CDH12: variants seen among roughly 807,000 people sequenced by gnomAD.
CDH12 encodes the protein cadherin-12.
A neutral mutation model predicts 74.1 loss-of-function variants in CDH12; 41 were observed. The ratio of observed to expected loss-of-function variants is 0.55; its 90% CI spans 0.43 to 0.72. CDH12 has a LOEUF of 0.72. Among genes scored for constraint, CDH12 ranks in the 30% least tolerant of loss-of-function variants. The pLI, the probability that CDH12 is intolerant of heterozygous loss-of-function variation, is 0.00. For missense variants in CDH12, 945 were observed against 977.2 expected (o/e 0.97, Z 0.44); for synonymous variants, 399 against 355.0 (o/e 1.12, Z -1.39).
At chr5:22,128,279 G>T (rs1745992770) in intron 4 of CDH12, among the ~76,000 whole-genome samples, 1 of 152,030 alleles carries the variant, frequency 6.6e-6, no homozygotes, top group Admixed American at 6.6e-5. Flanking sequence ...AGGAATAATA[G>T]ATGCTGAGGG....
intron 3 of CDH12, among the ~76,000 whole-genome samples, chr5:22,401,095 TA>T (rs1271846680): frequency 8.9e-4 from 136 of 152,346 alleles, no homozygotes; most frequent in Middle Eastern, 6.8e-3. Context: ...ATCCTAATCA[TA>T]ACTGTTTGCC....
intron 1 of CDH12, among the ~76,000 whole-genome samples, chr5:22,829,104 A>G (rs1168224998): frequency 1.3e-5 from 2 of 152,154 alleles, no homozygotes; most frequent in African/African-American, 2.4e-5. Context: ...TTCATTTTCC[A>G]TAGAATAACT....
chr5:22,365,124 G>C, intron 3 of CDH12, among the ~76,000 whole-genome samples: 1 of 152,050 alleles, frequency 6.6e-6, no homozygotes, highest in Non-Finnish European at 1.5e-5. Context: ...ATTCAGATTT[G>C]GTGCATTTCT....
At chr5:22,546,994 A>G (rs1055609488) in intron 1 of CDH12, among the ~76,000 whole-genome samples, 4 of 152,212 alleles carry the variant, frequency 2.6e-5, no homozygotes, top group African/African-American at 9.6e-5. Flanking sequence ...ATGCGATTGT[A>G]AAGTGCTTCA....
intron 1 of CDH12, among the ~76,000 whole-genome samples, chr5:22,674,586 G>A (rs949508355): frequency 6.6e-6 from 1 of 152,144 alleles, no homozygotes; most frequent in Admixed American, 6.5e-5. Context: ...CTGGGTAACA[G>A]GCAGAAGTTG....
chr5:22,536,669 C>T (rs10052996), intron 1 of CDH12, among the ~76,000 whole-genome samples: 22,794 of 152,128 alleles, frequency 0.15, 2,324 homozygotes, highest in East Asian at 0.36. Flanking sequence ...GAGTATATAA[C>T]GCATTTGAAT....
At position 22,270,594 on chromosome 5, in the gene CDH12, C is replaced by CAA. The variant is rs533235770; in HGVS notation, c.-332-57953_-332-57952dup. The stretch of plus-strand genomic sequence containing the variant: ...TAGGCGGCAGGGTGAGACACCGTCT[C>CAA]AAAAAAAAAAATATATATATATATA... On this transcript the variant is annotated intron_variant, in intron 3 of 14. Coordinates refer to ENST00000382254, the MANE Select transcript of CDH12 (RefSeq NM_004061.5). Among the ~76,000 whole-genome samples, 252 of 127,736 alleles carry CAA rather than the reference C, an allele frequency of 2.0e-3. 1 individual carries two copies. The highest frequency in any genetic ancestry group is 5.5e-3 in the African/African-American group (193 of 34,840). The allele number at this position is 127,736 out of a possible 152,430, so 83.8% of individuals were successfully genotyped here.
At chr5:21,844,119 A>G (rs1304611972) in intron 7 of CDH12, among the ~76,000 whole-genome samples, 2 of 152,158 alleles carry the variant, frequency 1.3e-5, no homozygotes, top group African/African-American at 4.8e-5. Flanking sequence ...ACCTAAATAA[A>G]AAGCTATAAA....
intron 1 of CDH12, among the ~76,000 whole-genome samples, chr5:22,546,689 T>C (rs1738347150): frequency 6.6e-6 from 1 of 152,170 alleles, no homozygotes; most frequent in Admixed American, 6.5e-5. Flanking sequence ...CATTTCTGCA[T>C]AGTAAGGAAA....
At chr5:22,677,975 T>C (rs1039680430) in intron 1 of CDH12, among the ~76,000 whole-genome samples, 2 of 147,974 alleles carry the variant, frequency 1.4e-5, no homozygotes, top group African/African-American at 4.9e-5. Context: ...TAATCCATCA[T>C]GAGGTCCCCA....
chr5:22,795,667 C>T (rs978658850), intron 1 of CDH12, among the ~76,000 whole-genome samples: 1 of 151,364 alleles, frequency 6.6e-6, no homozygotes, highest in Non-Finnish European at 1.5e-5. Flanking sequence ...GTTGAATACA[C>T]ATACAAGTCC....
intron 1 of CDH12, among the ~76,000 whole-genome samples, chr5:22,514,213 C>T (rs928987127): frequency 2.0e-5 from 3 of 151,472 alleles, no homozygotes. Flanking sequence ...AGTATCATAA[C>T]CTTTAAAATC....
rs373890996 is a variant in CDH12 at position 21,755,668 on chromosome 5, A to G, written c.1808T>C (p.Val603Ala). 7.4e-6 allele frequency: 12 copies of G among 1,614,046 alleles called. No individual in the cohort carries two copies. In the African/African-American group the frequency reaches 1.5e-4, roughly 20 times the overall value. The change falls in exon 14 of 15, where the codon GTG becomes GCG. Residue 603 changes from valine (V) to alanine (A), a missense_variant. This residue lies in a region of CDH12 where 791 missense variants were observed against 792.8 expected (regional missense o/e 1.00). Coordinates refer to ENST00000382254, the MANE Select transcript of CDH12 (RefSeq NM_004061.5). ...DSDGTILSCN[V>A]EAIFLPVGLS... Reference sequence around the variant, plus strand: ...TCCTACAGGTAGAAAAATTGCTTCCACATTACAAGACAGGATGGTGCCATC... The same window carrying G: ...TCCTACAGGTAGAAAAATTGCTTCCGCATTACAAGACAGGATGGTGCCATC...
At chr5:22,505,941 G>T (rs1329791075) in intron 1 of CDH12, among the ~76,000 whole-genome samples, 1 of 152,088 alleles carries the variant, frequency 6.6e-6, no homozygotes, top group African/African-American at 2.4e-5. Flanking sequence ...TCATCAGTAT[G>T]ACTTATTACT....
chr5:21,828,310 C>T (rs997326435), intron 8 of CDH12, among the ~76,000 whole-genome samples: 12 of 152,096 alleles, frequency 7.9e-5, no homozygotes, highest in East Asian at 3.9e-4. Flanking sequence ...TTAGTAAAGA[C>T]GGGGTTTCAC....
intron 1 of CDH12, among the ~76,000 whole-genome samples, chr5:22,656,649 T>C (rs1219585864): frequency 6.6e-6 from 1 of 152,232 alleles, no homozygotes; most frequent in Admixed American, 6.5e-5. Context: ...TAATCATATG[T>C]CTACCTTGTG....
chr5:22,794,159 C>T (rs1748064904), intron 1 of CDH12, among the ~76,000 whole-genome samples: 2 of 152,158 alleles, frequency 1.3e-5, no homozygotes, highest in Non-Finnish European at 1.5e-5. Context: ...CCAGAAATAA[C>T]CACACGGTTT....
intron 9 of CDH12, among the ~76,000 whole-genome samples, chr5:21,804,243 T>C (rs1319074857): frequency 1.3e-5 from 2 of 152,158 alleles, no homozygotes; most frequent in Non-Finnish European, 2.9e-5. Flanking sequence ...GTATGCATAA[T>C]ATGCGATGGT....
Position 22,006,129 on chromosome 5 carries a change from C to T in CDH12, c.232-30744G>A, listed in dbSNP as rs551127518. 1.2e-4 allele frequency among the ~76,000 whole-genome samples: 18 copies of T among 152,192 alleles called. No individual in the cohort carries two copies. The South Asian group carries it at 3.5e-3, about 30-fold the overall frequency. ...AGTTTCCTGTGCATGGTTATACTTC[C>T]TTGCCCCACTTATTGGGTAACTCTA... On this transcript the variant is annotated intron_variant, in intron 5 of 14. Coordinates refer to ENST00000382254, the MANE Select transcript of CDH12 (RefSeq NM_004061.5).
Sources: gnomAD v4.1 joint callset for allele counts (sites outside exome capture counted in the v4.1 genomes callset) on GRCh38, gnomAD v4.1.1 for gene constraint, gnomAD v4.1.1 regional missense constraint, MANE v1.5 for transcripts, NCBI Gene and HGNC (gene_info 2026-07-23, HGNC 2026-07-21) for gene names.